KCNK13: variants seen among roughly 807,000 people sequenced by gnomAD.
The protein encoded by KCNK13 is potassium two pore domain channel subfamily K member 13.
A neutral mutation model predicts 23.4 loss-of-function variants in KCNK13; 12 were observed. The ratio of observed to expected loss-of-function variants is 0.51; its 90% CI spans 0.33 to 0.83. The LOEUF (loss-of-function observed/expected upper bound fraction) is 0.83. Among genes scored for constraint, KCNK13 ranks in the 40% least tolerant of loss-of-function variants. The pLI is 0.02. For missense variants in KCNK13, 463 were observed against 556.3 expected (o/e 0.83, Z 1.69); for synonymous variants, 231 against 229.5 (o/e 1.01, Z -0.06).
Position 90,185,008 on chromosome 14 carries a change from C to T in KCNK13, c.*5C>T. 1 of 1,572,058 alleles carries T rather than the reference C, an allele frequency of 6.4e-7. No homozygotes were observed. The highest frequency in any genetic ancestry group is 8.6e-7 in the Non-Finnish European group (1 of 1,159,364). On this transcript the variant is annotated 3_prime_UTR_variant, in exon 2 of 2. Transcript: ENST00000282146. ...GAGACCAGTGGGGACAGGTAGAAGCCAGGAGTGGATGCTGGGCAGAGGCCA... is the reference window on the plus strand; with the variant it reads ...GAGACCAGTGGGGACAGGTAGAAGCTAGGAGTGGATGCTGGGCAGAGGCCA...
chr14:90,062,618 C>A lies in KCNK13; in HGVS notation c.334+79C>A. 2 of 1,138,194 alleles carry A rather than the reference C, an allele frequency of 1.8e-6. No homozygotes were observed. Among genetic ancestry groups the A allele is most frequent in the Non-Finnish European group, 2.4e-6 (2 of 835,238 alleles). The allele number at this position is 1,138,194 out of a possible 1,614,324, so 70.5% of individuals were successfully genotyped here. ...CGGGGGGCAGGACCGACCCTCTCAT[C>A]CTTTCATTCATCCATCTGGGCGCCC... On this transcript the variant is annotated intron_variant, in intron 1 of 1. Coordinates refer to ENST00000282146, the MANE Select transcript of KCNK13 (RefSeq NM_022054.4). The surrounding 1 kb of genome is among the most constrained non-coding windows in gnomAD (Gnocchi z 4.5).
chr14:90,078,867 A>C (rs1596767927), intron 1 of KCNK13, among the ~76,000 whole-genome samples: 1 of 152,236 alleles, frequency 6.6e-6, no homozygotes, highest in African/African-American at 2.4e-5. Flanking sequence ...AGAGAAAGTC[A>C]GGCTCAAAAA....
chr14:90,124,729 G>C (rs1424763171), intron 1 of KCNK13, among the ~76,000 whole-genome samples: 1 of 152,256 alleles, frequency 6.6e-6, no homozygotes, highest in Non-Finnish European at 1.5e-5. Context: ...TGAGACCCAG[G>C]TCAGACTTCT....
chr14:90,099,096 T>TAA (rs72104481), intron 1 of KCNK13, among the ~76,000 whole-genome samples: 5 of 148,888 alleles, frequency 3.4e-5, no homozygotes, highest in Non-Finnish European at 7.5e-5. Flanking sequence ...TTTTAAAAAT[T>TAA]AAAAAAAAAA....
chr14:90,125,920 A>G (rs1889794403), intron 1 of KCNK13, among the ~76,000 whole-genome samples: 1 of 151,730 alleles, frequency 6.6e-6, no homozygotes, highest in Non-Finnish European at 1.5e-5. Flanking sequence ...GCTACTCAGG[A>G]TGCTGAGATG....
rs11352357 is a variant in KCNK13, at chr14:90,111,010, C to CA, written c.334+48487dup. Among the ~76,000 whole-genome samples, 413 of 142,784 alleles carry CA rather than the reference C, an allele frequency of 2.9e-3. 1 individual carries two copies. The highest frequency in any genetic ancestry group is 6.1e-3 in the African/African-American group (235 of 38,698). The allele number at this position is 142,784 out of a possible 152,430, so 93.7% of individuals were successfully genotyped here. The stretch of plus-strand genomic sequence containing the variant: ...GACAACAAGAGCAGGACTTTTGTCT[C>CA]AAAAAAAAAAAAAAAATCCCTGAAT... On this transcript the variant is annotated intron_variant, in intron 1 of 1. Coordinates refer to ENST00000282146, the MANE Select transcript of KCNK13 (RefSeq NM_022054.4).
At chr14:90,081,995 T>C (rs72629392) in intron 1 of KCNK13, among the ~76,000 whole-genome samples, 20,801 of 152,180 alleles carry the variant, frequency 0.14, 1,738 homozygotes, top group South Asian at 0.26. Context: ...GTGAAGCTCT[T>C]GCCAGAAGCC....
intron 1 of KCNK13, among the ~76,000 whole-genome samples, chr14:90,067,376 A>G (rs1889021586): frequency 6.6e-6 from 1 of 152,224 alleles, no homozygotes; most frequent in South Asian, 2.1e-4. Context: ...CAAATATCAT[A>G]TGATTCCATT....
intron 1 of KCNK13, among the ~76,000 whole-genome samples, chr14:90,091,359 C>T (rs1889341987): frequency 6.6e-6 from 1 of 152,094 alleles, no homozygotes; most frequent in South Asian, 2.1e-4. Context: ...AAAGAATGAA[C>T]TCTATGGCTG....
intron 1 of KCNK13, among the ~76,000 whole-genome samples, chr14:90,110,539 T>G (rs1889603640): frequency 6.6e-6 from 1 of 151,768 alleles, no homozygotes; most frequent in Non-Finnish European, 1.5e-5. Context: ...CCCAGGATTT[T>G]GCATTCCAGG....
intron 1 of KCNK13, among the ~76,000 whole-genome samples, chr14:90,176,997 C>T (rs11629062): frequency 0.17 from 25,680 of 151,900 alleles, 2,339 homozygotes; most frequent in Middle Eastern, 0.24. Flanking sequence ...TCCAGCCTTG[C>T]GACAGAGCGG....
chr14:90,123,195 C>T (rs1423933811), intron 1 of KCNK13, among the ~76,000 whole-genome samples: 4 of 152,224 alleles, frequency 2.6e-5, no homozygotes. Context: ...AAATCTGTAT[C>T]AGTTGGCTAG....
chr14:90,164,997 C>A (rs937918095), intron 1 of KCNK13, among the ~76,000 whole-genome samples: 1 of 152,204 alleles, frequency 6.6e-6, no homozygotes, highest in Non-Finnish European at 1.5e-5. Flanking sequence ...ACTTACAGTT[C>A]CGCGTGGCTG....
At chr14:90,130,182 T>TTATTTATG (rs1256614441) in intron 1 of KCNK13, among the ~76,000 whole-genome samples, 1 of 145,760 alleles carries the variant, frequency 6.9e-6, no homozygotes, top group Non-Finnish European at 1.5e-5. Context: ...AGAAGGACAT[T>TTATTTATG]TATTTATTTA....
intron 1 of KCNK13, among the ~76,000 whole-genome samples, chr14:90,164,603 T>C (rs1056426263): frequency 6.6e-6 from 1 of 152,200 alleles, no homozygotes; most frequent in Admixed American, 6.5e-5. Flanking sequence ...TTGGAGTTTG[T>C]AGGTTAATGC....
chr14:90,101,145 G>C (rs1361053768), intron 1 of KCNK13, among the ~76,000 whole-genome samples: 1 of 152,166 alleles, frequency 6.6e-6, no homozygotes, highest in African/African-American at 2.4e-5. Context: ...ACACCTCAGA[G>C]TTGTTCTGAG....
chr14:90,135,282 T>G (rs1596793257), intron 1 of KCNK13, among the ~76,000 whole-genome samples: 1 of 152,130 alleles, frequency 6.6e-6, no homozygotes, highest in East Asian at 1.9e-4. Flanking sequence ...AGAGGGGAAG[T>G]GTGCTGCCGT....
At chr14:90,116,830 TA>T (rs1460489608) in intron 1 of KCNK13, among the ~76,000 whole-genome samples, 7 of 152,186 alleles carry the variant, frequency 4.6e-5, no homozygotes, top group Non-Finnish European at 8.8e-5. Flanking sequence ...ATATTACCCT[TA>T]TTTTTTTAAT....
chr14:90,077,117 CT>C (rs373759289), intron 1 of KCNK13, among the ~76,000 whole-genome samples: 76 of 92,322 alleles, frequency 8.2e-4, no homozygotes, highest in Middle Eastern at 9.4e-3. Flanking sequence ...CCGCACCTGG[CT>C]TTTTTTTTTT....
Sources: gnomAD v4.1 joint callset for allele counts (sites outside exome capture counted in the v4.1 genomes callset) on GRCh38, gnomAD v4.1.1 for gene constraint, Gnocchi (gnomAD v3.1) non-coding constraint, MANE v1.5 for transcripts, NCBI Gene and HGNC (gene_info 2026-07-23, HGNC 2026-07-21) for gene names.